Variants in GRM5 observed in about 807,000 individuals in gnomAD.
GRM5 encodes metabotropic glutamate receptor 5.
Under a neutral mutation model 83.1 loss-of-function variants are expected in GRM5, and 19 were observed. The observed-to-expected ratio is 0.23, with a 90% CI of 0.16 to 0.34. The LOEUF is 0.34. Ranked by LOEUF, GRM5 falls within the 10% of genes least tolerant of loss-of-function variation. The pLI is 1.00. For missense variants in GRM5, 1,160 were observed against 1,588.3 expected (o/e 0.73, Z 4.58); for synonymous variants, 675 against 633.6 (o/e 1.07, Z -0.98).
chr11:88,530,115 G>A (rs967520108), intron 8 of GRM5, among the ~76,000 whole-genome samples: 3 of 151,980 alleles, frequency 2.0e-5, no homozygotes, highest in African/African-American at 4.8e-5. Context: ...TATGTAGACA[G>A]TGGAAAGAAG....
At chr11:88,979,513 T>C (rs1939454210) in intron 2 of GRM5, among the ~76,000 whole-genome samples, 1 of 152,202 alleles carries the variant, frequency 6.6e-6, no homozygotes, top group African/African-American at 2.4e-5. Flanking sequence ...TAGGAGACTA[T>C]CTTATTTGTG....
chr11:88,522,603 CTGTGTGTGTGTGTGTGTGTGTG>C (rs55777647), intron 9 of GRM5, among the ~76,000 whole-genome samples: 2 of 127,218 alleles, frequency 1.6e-5, no homozygotes, highest in Non-Finnish European at 3.3e-5. Flanking sequence ...CTCTCTCTCT[CTGTGTGTGTGTGTGTGTGTGTG>C]TGTGTGTGTG....
intron 3 of GRM5, among the ~76,000 whole-genome samples, chr11:88,796,469 CAT>C (rs776325025): frequency 5.3e-4 from 80 of 152,080 alleles, no homozygotes; most frequent in Non-Finnish European, 1.1e-3. Flanking sequence ...TTAAAATATA[CAT>C]ATGACACTCA....
At chr11:88,841,046 T>C (rs1465155195) in intron 3 of GRM5, among the ~76,000 whole-genome samples, 3 of 152,070 alleles carry the variant, frequency 2.0e-5, no homozygotes, top group African/African-American at 7.2e-5. Flanking sequence ...ACTGTGTAGA[T>C]AAGAAAAGTC....
At chr11:88,936,787 C>T (rs1466600675) in intron 2 of GRM5, among the ~76,000 whole-genome samples, 3 of 151,530 alleles carry the variant, frequency 2.0e-5, no homozygotes, top group Non-Finnish European at 4.4e-5. Flanking sequence ...TTGAAAAAGC[C>T]CAATCACTTT....
intron 2 of GRM5, among the ~76,000 whole-genome samples, chr11:88,903,047 G>T (rs1945342262): frequency 6.7e-6 from 1 of 150,290 alleles, no homozygotes; most frequent in Non-Finnish European, 1.5e-5. Flanking sequence ...TGTTACTTTA[G>T]ATAAGGTAGC....
At chr11:88,619,192 C>T (rs927429144) in intron 4 of GRM5, among the ~76,000 whole-genome samples, 2 of 152,174 alleles carry the variant, frequency 1.3e-5, no homozygotes, top group African/African-American at 4.8e-5. Flanking sequence ...TTTGAAGTAG[C>T]TGTTAAACAA....
At chr11:88,551,498 T>C (rs543285696) in intron 8 of GRM5, among the ~76,000 whole-genome samples, 1 of 152,304 alleles carries the variant, frequency 6.6e-6, no homozygotes, top group Middle Eastern at 3.4e-3. Flanking sequence ...AAAGGCTACG[T>C]GCCCCTTCAC....
chr11:88,765,293 G>C (rs1201413815), intron 3 of GRM5, among the ~76,000 whole-genome samples: 1 of 148,878 alleles, frequency 6.7e-6, no homozygotes, highest in African/African-American at 2.5e-5. Context: ...CTTCATGAGT[G>C]AATTCTACCA....
At chr11:89,040,291 T>G (rs1420601550) in intron 2 of GRM5, among the ~76,000 whole-genome samples, 1 of 152,166 alleles carries the variant, frequency 6.6e-6, no homozygotes, top group Admixed American at 6.5e-5. Flanking sequence ...ATCATCATAT[T>G]TTATCTATTC....
intron 3 of GRM5, among the ~76,000 whole-genome samples, chr11:88,803,642 A>G (rs1304525928): frequency 2.0e-5 from 3 of 152,246 alleles, no homozygotes; most frequent in Non-Finnish European, 4.4e-5. Context: ...CTTCATGTCT[A>G]AAACACCAAA....
intron 5 of GRM5, among the ~76,000 whole-genome samples, chr11:88,598,952 A>G (rs1011309080): frequency 2.0e-5 from 3 of 152,246 alleles, no homozygotes; most frequent in Non-Finnish European, 4.4e-5. Context: ...GAGGTTAATT[A>G]GTACAGATTA....
At position 88,567,236 on chromosome 11, in the gene GRM5, C is replaced by A; in HGVS notation, c.2447G>T (p.Cys816Phe). Residue 816 changes from cysteine to phenylalanine, a missense_variant, in exon 8 of 10, where the codon TGC becomes TTC. This residue lies in a region of GRM5 where 66 missense variants were observed against 138.6 expected (regional missense o/e 0.48). Transcript: ENST00000305447. The surrounding 1 kb of genome is among the most constrained non-coding windows in gnomAD (Gnocchi z 7.3). ...GATGTACACCTTCGGCACAAACATG[C>A]AGCCTAGGGCCACTGTGGCACTGAG... ...VSLSATVALG[C>F]MFVPKVYIIL... 2 of 1,614,052 alleles carry A rather than the reference C, an allele frequency of 1.2e-6. No individual in the cohort carries two copies. The highest frequency in any genetic ancestry group is 1.7e-6 in the Non-Finnish European group (2 of 1,179,942).
At chr11:88,631,628 G>A (rs1004733769) in intron 4 of GRM5, among the ~76,000 whole-genome samples, 2 of 152,112 alleles carry the variant, frequency 1.3e-5, no homozygotes, top group African/African-American at 4.8e-5. Flanking sequence ...GTGAGTGAAT[G>A]GTGGAGCTGA....
chr11:88,534,664 T>C (rs1174258841), intron 8 of GRM5, among the ~76,000 whole-genome samples: 2 of 152,146 alleles, frequency 1.3e-5, no homozygotes, highest in Non-Finnish European at 2.9e-5. Context: ...CTGAAATAAT[T>C]TGAGACTTTA....
At chr11:88,537,454 G>A (rs1332474767) in intron 8 of GRM5, among the ~76,000 whole-genome samples, 1 of 152,166 alleles carries the variant, frequency 6.6e-6, no homozygotes, top group Non-Finnish European at 1.5e-5. Flanking sequence ...CGAGATGGTA[G>A]AATATTTTAA....
At chr11:88,742,944 C>T (rs1942058778) in intron 3 of GRM5, among the ~76,000 whole-genome samples, 1 of 152,108 alleles carries the variant, frequency 6.6e-6, no homozygotes, top group Non-Finnish European at 1.5e-5. Flanking sequence ...CAGTCAGCTC[C>T]TCTTCATGCA....
At chr11:88,526,539 C>A (rs1368361056) in intron 8 of GRM5, among the ~76,000 whole-genome samples, 2 of 152,084 alleles carry the variant, frequency 1.3e-5, no homozygotes, top group Non-Finnish European at 2.9e-5. Flanking sequence ...GGTATAACAC[C>A]ACTTCATCCA....
intron 9 of GRM5, among the ~76,000 whole-genome samples, chr11:88,519,854 G>A (rs900991578): frequency 2.6e-4 from 40 of 152,108 alleles, no homozygotes; most frequent in African/African-American, 9.7e-4. Flanking sequence ...TTGTGTGTCA[G>A]GCAATATGCT....
Sources: gnomAD v4.1 joint callset for allele counts (sites outside exome capture counted in the v4.1 genomes callset) on GRCh38, gnomAD v4.1.1 for gene constraint, gnomAD v4.1.1 regional missense constraint, Gnocchi (gnomAD v3.1) non-coding constraint, MANE v1.5 for transcripts, NCBI Gene and HGNC (gene_info 2026-07-23, HGNC 2026-07-21) for gene names.